The following SENP6 variants were observed in gnomAD, a reference collection of about 807,000 sequenced individuals.
The protein encoded by SENP6 is sentrin-specific protease 6.
Under a neutral mutation model 134.5 loss-of-function variants are expected in SENP6, and 41 were observed. The observed-to-expected ratio is 0.30, with a 90% CI of 0.24 to 0.40. The LOEUF (loss-of-function observed/expected upper bound fraction) is 0.40, where lower values mean the gene tolerates loss of function less well. Among genes scored for constraint, SENP6 ranks in the 10% least tolerant of loss-of-function variants. The pLI, the probability that SENP6 is intolerant of heterozygous loss-of-function variation, is 1.00. For missense variants in SENP6, 1,248 were observed against 1,312.5 expected (o/e 0.95, Z 0.76); for synonymous variants, 395 against 429.8 (o/e 0.92, Z 1.00).
At chr6:75,683,734 CTT>C (rs1259697002) in intron 16 of SENP6, among the ~76,000 whole-genome samples, 1 of 152,146 alleles carries the variant, frequency 6.6e-6, no homozygotes, top group African/African-American at 2.4e-5. Context: ...TCTCAGGCCT[CTT>C]TTCTGTTCCA....
chr6:75,702,872 C>T lies in SENP6; in HGVS notation c.2516C>T (p.Ser839Phe), dbSNP rs183792140. 4.7e-4 allele frequency: 751 copies of T among 1,614,050 alleles called. 2 individuals are homozygous for T. The highest frequency in any genetic ancestry group is 7.2e-5 in the Non-Finnish European group (85 of 1,179,994). ...AAACATTGCATAGCTGTAATTGATT[C>T]CAATCCTGGGCAGGAAGAAAGTGAC... ...NKKHCIAVID[S>F]NPGQEESDPR... The change falls in exon 19 of 24, where the codon TCC (serine) becomes TTC (phenylalanine). Residue 839 changes from serine (S) to phenylalanine (F), a missense_variant. By Grantham distance (155) the Ser-to-Phe change is radical. Transcript: ENST00000447266.
intron 16 of SENP6, among the ~76,000 whole-genome samples, chr6:75,686,851 G>A (rs1023441578): frequency 2.6e-5 from 4 of 152,100 alleles, no homozygotes; most frequent in African/African-American, 9.7e-5. Context: ...TTTCAACCTT[G>A]GGGAATCTGA....
At chr6:75,633,427 G>A (rs936973212) in intron 3 of SENP6, among the ~76,000 whole-genome samples, 154 bp from the exon 4 acceptor site, 1 of 152,120 alleles carries the variant, frequency 6.6e-6, no homozygotes, top group African/African-American at 2.4e-5. Context: ...AAAAAAGTAG[G>A]CAGTTGAATT....
chr6:75,685,848 G>A (rs1773802529), intron 16 of SENP6, among the ~76,000 whole-genome samples: 1 of 152,158 alleles, frequency 6.6e-6, no homozygotes, highest in Admixed American at 6.6e-5. Flanking sequence ...GTGCGATGTG[G>A]TGCTGAGAAG....
rs141147975 is a variant in SENP6 at position 75,658,801 on chromosome 6, G to A, written c.551-461G>A. On this transcript the variant is annotated intron_variant, in intron 7 of 23. Transcript: ENST00000447266. Reference sequence around the variant, plus strand: ...AGCCTGGGCAACATAGGGAGACCCTGTCTCTACAAATAATAAAAAAATTAG... The same window carrying A: ...AGCCTGGGCAACATAGGGAGACCCTATCTCTACAAATAATAAAAAAATTAG... Among the ~76,000 whole-genome samples the A allele has an allele frequency of 4.6e-3, 697 of 151,684 alleles. 5 individuals are homozygous for A. Among genetic ancestry groups the A allele is most frequent in the African/African-American group, 0.016 (645 of 41,416 alleles).
At chr6:75,703,717 G>A (rs1008228649) in intron 19 of SENP6, among the ~76,000 whole-genome samples, 3 of 151,802 alleles carry the variant, frequency 2.0e-5, no homozygotes, top group African/African-American at 7.3e-5. Flanking sequence ...AGTGGAGATC[G>A]CACCACTGCA....
intron 1 of SENP6, among the ~76,000 whole-genome samples, chr6:75,608,254 A>G (rs954924918): frequency 6.6e-6 from 1 of 152,110 alleles, no homozygotes; most frequent in Non-Finnish European, 1.5e-5. Flanking sequence ...TGAGCCCAGG[A>G]GTTCAAGACC....
chr6:75,687,852 G>T (rs531266381), intron 16 of SENP6, among the ~76,000 whole-genome samples: 3 of 152,324 alleles, frequency 2.0e-5, no homozygotes, highest in African/African-American at 7.2e-5. Context: ...CTACACAGGG[G>T]TCAGGGACCC....
intron 10 of SENP6, among the ~76,000 whole-genome samples, chr6:75,668,246 A>G (rs1188347698): frequency 6.6e-6 from 1 of 152,166 alleles, no homozygotes; most frequent in Non-Finnish European, 1.5e-5. Flanking sequence ...ATATAATCTT[A>G]CAGAATGCCT....
chr6:75,689,721 C>T (rs985682356), intron 16 of SENP6, among the ~76,000 whole-genome samples: 3 of 152,190 alleles, frequency 2.0e-5, no homozygotes, highest in Middle Eastern at 3.4e-3. Flanking sequence ...GTATTCAGTA[C>T]GGTAACATAC....
chr6:75,655,726 A>T (rs769414275), intron 7 of SENP6, among the ~76,000 whole-genome samples: 9 of 152,198 alleles, frequency 5.9e-5, no homozygotes, highest in Non-Finnish European at 1.2e-4. Flanking sequence ...GATAAACAAC[A>T]CCTGGGTTGT....
At chr6:75,677,345 T>C in intron 14 of SENP6, 89 bp downstream of exon 14, 2 of 869,626 alleles carry the variant, frequency 2.3e-6, no homozygotes, top group Non-Finnish European at 3.4e-6. Context: ...TTCATTTCAG[T>C]GTTAAATCTT....
At chr6:75,616,919 T>A (rs1767892455) in intron 1 of SENP6, among the ~76,000 whole-genome samples, 2 of 152,148 alleles carry the variant, frequency 1.3e-5, no homozygotes. Context: ...GCTGGATTGC[T>A]GTGGTGTGAT....
At chr6:75,704,626 C>CT (rs1036541419) in intron 19 of SENP6, among the ~76,000 whole-genome samples, 103 of 152,184 alleles carry the variant, frequency 6.8e-4, no homozygotes, top group African/African-American at 2.4e-3. Context: ...AGGCTTTCCT[C>CT]TTTCACTAAT....
intron 16 of SENP6, among the ~76,000 whole-genome samples, chr6:75,680,457 A>G (rs1489067061): frequency 1.3e-5 from 2 of 152,188 alleles, no homozygotes. Context: ...ATAGAATGAG[A>G]AAAAGAGTAT....
chr6:75,685,760 CAGTT>C (rs1421166645), intron 16 of SENP6, among the ~76,000 whole-genome samples: 1 of 152,150 alleles, frequency 6.6e-6, no homozygotes, highest in African/African-American at 2.4e-5. Flanking sequence ...GTCTGAGAGA[CAGTT>C]TGTTGTGATT....
At chr6:75,694,525 G>T (rs527428616) in intron 16 of SENP6, among the ~76,000 whole-genome samples, 1 of 152,258 alleles carries the variant, frequency 6.6e-6, no homozygotes, top group South Asian at 2.1e-4. Flanking sequence ...AAGAAGCCTA[G>T]TACCCATTAG....
At chr6:75,710,986 C>T (rs1168702173) in intron 20 of SENP6, among the ~76,000 whole-genome samples, 1 of 152,052 alleles carries the variant, frequency 6.6e-6, no homozygotes, top group Non-Finnish European at 1.5e-5. Context: ...AGCCAACAAA[C>T]TAAATTTTTG....
intron 1 of SENP6, among the ~76,000 whole-genome samples, chr6:75,618,303 GTTTAT>G (rs71544049): frequency 0.096 from 14,567 of 152,068 alleles, 713 homozygotes; most frequent in Non-Finnish European, 0.11. Flanking sequence ...ATTCGGGAAT[GTTTAT>G]TTTATTTAGG....
Sources: gnomAD v4.1 joint callset for allele counts (sites outside exome capture counted in the v4.1 genomes callset) on GRCh38, gnomAD v4.1.1 for gene constraint, MANE v1.5 for transcripts, NCBI Gene and HGNC (gene_info 2026-07-23, HGNC 2026-07-21) for gene names.